The following PSAP variants were observed in gnomAD, a reference collection of about 807,000 sequenced individuals.
PSAP encodes the protein prosaposin, also known as precursor of saposins.
Under a neutral mutation model 66.0 loss-of-function variants are expected in PSAP, and 25 were observed. That is an observed-to-expected ratio of 0.38 (90% CI 0.28 to 0.53). The LOEUF (loss-of-function observed/expected upper bound fraction) is 0.53, where lower values mean the gene tolerates loss of function less well. PSAP is among the 20% of genes least tolerant of loss of function. The probability of loss-of-function intolerance (pLI) is 0.83; values close to 1 mark genes in which losing one functional copy is unlikely to be tolerated. For synonymous variants in PSAP, 273 were observed against 258.9 expected, an observed-to-expected ratio of 1.05 and a Z score of -0.52; for missense variants, 649 against 668.8, an observed-to-expected ratio of 0.97 and a Z score of 0.33.
At chr10:71,838,374 C>G (rs182884640) in intron 1 of PSAP, among the ~76,000 whole-genome samples, 244 of 152,326 alleles carry the variant, frequency 1.6e-3, no homozygotes, top group African/African-American at 5.5e-3. Flanking sequence ...GGGGCCCCAC[C>G]CAGAGAGTCC....
chr10:71,820,285 G>A lies in PSAP; in HGVS notation c.960C>T (p.Phe320=), dbSNP rs369725602. Residue 320 remains phenylalanine, a synonymous_variant, in exon 9 of 14, where the codon TTC becomes TTT. Transcript: ENST00000394936. ...KSDVYCEVCE[F]LVKEVTKLID... is the part of the protein sequence containing the mutation. ...TCAGCTTGGTCACCTCCTTCACCAG[G>A]AATTCACACACCTCACAGTAAACAT... The A allele has an allele frequency of 1.7e-5, 27 of 1,614,084 alleles. No homozygotes were observed. The highest frequency in any genetic ancestry group is 1.2e-4 in the Admixed American group (7 of 60,010).
chr10:71,829,118 C>T, intron 4 of PSAP, 41 bp from the exon 5 acceptor site: 2 of 1,581,594 alleles, frequency 1.3e-6, no homozygotes, highest in East Asian at 2.2e-5. Flanking sequence ...ATCCTCTCCC[C>T]AGGGGAAAAT....
intron 2 of PSAP, 102 bp downstream of exon 2, chr10:71,834,270 A>T (rs900549473): frequency 6.3e-7 from 1 of 1,574,998 alleles, no homozygotes; most frequent in African/African-American, 1.3e-5. Flanking sequence ...AAACAAAACA[A>T]GGCAAGAAAA....
chr10:71,835,821 GAA>G (rs758665607), intron 1 of PSAP, among the ~76,000 whole-genome samples: 3 of 49,410 alleles, frequency 6.1e-5, no homozygotes, highest in Non-Finnish European at 8.9e-5. Flanking sequence ...GTCTGAGACA[GAA>G]AAAAAAAAAA....
chr10:71,827,894 C>T, intron 6 of PSAP, 120 bp downstream of exon 6: 3 of 1,359,610 alleles, frequency 2.2e-6, no homozygotes, highest in South Asian at 1.2e-5. Context: ...GTCTGCACTA[C>T]CTATTCAAGC....
At chr10:71,825,589 GCAAA>G (rs1456927675) in intron 7 of PSAP, 3 of 632,886 alleles carry the variant, frequency 4.7e-6, no homozygotes, top group Non-Finnish European at 8.7e-6. Flanking sequence ...ACGGGCAGAG[GCAAA>G]CAAATTGCCA....
chr10:71,829,407 G>A (rs893077980), intron 4 of PSAP, among the ~76,000 whole-genome samples: 4 of 152,076 alleles, frequency 2.6e-5, no homozygotes, highest in South Asian at 4.1e-4. Context: ...ACTGAATCAC[G>A]GGGGCGGGTT....
chr10:71,838,202 C>T (rs115377136), intron 1 of PSAP, among the ~76,000 whole-genome samples: 227 of 152,338 alleles, frequency 1.5e-3, no homozygotes, highest in African/African-American at 5.3e-3. Context: ...GAGGCTAACA[C>T]AGAGTCCAAG....
rs530096287 is a variant in PSAP at position 71,843,351 on chromosome 10, C to T, written c.40+7831G>A. On this transcript the variant is annotated intron_variant, in intron 1 of 13. Coordinates refer to ENST00000394936, the MANE Select transcript of PSAP (RefSeq NM_002778.4). ...AATCACCAGGTGACAGGCGACCTTG[C>T]GGACACACTTGAGTTTTATTCCTAG... Among the ~76,000 whole-genome samples, 43 of 152,188 alleles carry T rather than the reference C, an allele frequency of 2.8e-4. 1 individual carries two copies. The highest frequency in any genetic ancestry group is 1.9e-4 in the African/African-American group (8 of 41,512).
intron 5 of PSAP, 22 bp from the exon 6 acceptor site, chr10:71,828,179 T>C (rs527467567): frequency 2.5e-6 from 4 of 1,614,102 alleles, no homozygotes; most frequent in Non-Finnish European, 3.4e-6. Context: ...GCAGTTAGGT[T>C]TGCAACTTAA....
intron 4 of PSAP, among the ~76,000 whole-genome samples, chr10:71,830,225 A>G (rs1435763329): frequency 6.6e-6 from 1 of 152,124 alleles, no homozygotes; most frequent in Non-Finnish European, 1.5e-5. Flanking sequence ...TTTAGCAAAT[A>G]ACTCCACCTT....
At chr10:71,818,847 G>T in intron 12 of PSAP, 123 bp from the exon 13 acceptor site, 2 of 1,050,974 alleles carry the variant, frequency 1.9e-6, no homozygotes, top group East Asian at 2.4e-5. Context: ...CGCTCTTTCA[G>T]AACATCAGGG....
intron 1 of PSAP, among the ~76,000 whole-genome samples, chr10:71,844,041 ATTGT>A (rs1842777069): frequency 6.6e-6 from 1 of 152,236 alleles, no homozygotes; most frequent in Non-Finnish European, 1.5e-5. Flanking sequence ...TCTAGGATAT[ATTGT>A]TTAAGAAAAC....
At chr10:71,840,848 A>C (rs1425970737) in intron 1 of PSAP, among the ~76,000 whole-genome samples, 1 of 152,214 alleles carries the variant, frequency 6.6e-6, no homozygotes, top group African/African-American at 2.4e-5. Context: ...TGCAGTAATG[A>C]CTGAGGCTGG....
intron 6 of PSAP, among the ~76,000 whole-genome samples, chr10:71,827,009 G>A (rs1842408379): frequency 6.6e-6 from 1 of 152,174 alleles, no homozygotes; most frequent in South Asian, 2.1e-4. Flanking sequence ...CAGGACTAAG[G>A]GAGGCTTCCA....
intron 1 of PSAP, among the ~76,000 whole-genome samples, chr10:71,835,828 AAAAAAAAAAAAC>A (rs1472591498): frequency 3.2e-5 from 4 of 125,012 alleles, no homozygotes; most frequent in Non-Finnish European, 4.9e-5. Flanking sequence ...ACAGAAAAAA[AAAAAAAAAAAAC>A]AAAACACAAT....
intron 7 of PSAP, chr10:71,822,583 G>C: frequency 6.4e-6 from 3 of 472,124 alleles, no homozygotes; most frequent in Non-Finnish European, 1.3e-5. Flanking sequence ...ATCATTTTAA[G>C]CCACAAGGTC....
intron 1 of PSAP, among the ~76,000 whole-genome samples, chr10:71,843,989 T>C (rs1483775525): frequency 1.3e-5 from 2 of 152,226 alleles, no homozygotes; most frequent in Non-Finnish European, 2.9e-5. Flanking sequence ...ATCTCAAATT[T>C]TAAAATTTAA....
At position 71,834,465 on chromosome 10, in the gene PSAP, C is replaced by T; in HGVS notation, c.81G>A (p.Arg27=). 1 of 1,614,054 alleles carries T rather than the reference C, an allele frequency of 6.2e-7. No individual in the cohort carries two copies. Among genetic ancestry groups the T allele is most frequent in the African/African-American group, 1.3e-5 (1 of 75,032 alleles). The change falls in exon 2 of 14, where the codon AGG becomes AGA. Residue 27 remains arginine (R), a synonymous_variant. Transcript: ENST00000394936. ...CATTCTGGCACCACACTGCCGAGCCCCTGGTGCATTCTTTCAGTCCAAGGA... is the reference window on the plus strand; with the variant it reads ...CATTCTGGCACCACACTGCCGAGCCTCTGGTGCATTCTTTCAGTCCAAGGA... ...GPVLGLKECT[R]GSAVWCQNVK... is the part of the protein sequence containing the mutation.
Sources: gnomAD v4.1 joint callset for allele counts (sites outside exome capture counted in the v4.1 genomes callset) on GRCh38, gnomAD v4.1.1 for gene constraint, MANE v1.5 for transcripts, NCBI Gene and HGNC (gene_info 2026-07-23, HGNC 2026-07-21) for gene names.